CYRIA: variants seen among roughly 807,000 people sequenced by gnomAD.
The protein encoded by CYRIA is CYFIP-related Rac1 interactor A.
In CYRIA, 15 loss-of-function variants were observed where a neutral mutation model predicts 43.9. That is an observed-to-expected ratio of 0.34 (90% confidence interval 0.23 to 0.53). The LOEUF is 0.53. Among genes scored for constraint, CYRIA ranks in the 20% least tolerant of loss-of-function variants. The probability of loss-of-function intolerance (pLI) is 0.94; values close to 1 mark genes in which losing one functional copy is unlikely to be tolerated. For missense variants in CYRIA, 236 were observed against 394.2 expected (o/e 0.60, Z 3.40); for synonymous variants, 117 against 136.0 (o/e 0.86, Z 0.97).
chr2:16,618,191 G>A (rs530286710), intron 2 of CYRIA, among the ~76,000 whole-genome samples: 5 of 152,170 alleles, frequency 3.3e-5, no homozygotes, highest in African/African-American at 7.2e-5. Context: ...GAGTGTGCTC[G>A]AAACTGCCTC....
chr2:16,565,662 C>T lies in CYRIA; in HGVS notation c.176G>A (p.Gly59Asp), dbSNP rs1410052659. Residue 59 changes from glycine (G) to aspartate (D), a missense_variant, in exon 4 of 12, where the codon GGC becomes GAC. Transcript: ENST00000381323. ...TTGACATACATCTCGGATCTCTGGG[C>T]CTGCGCCTTTGTAAGCCTGCAGGTC... Reference protein sequence around the residue: ...LADLQAYKGAGPEIRDAIQNP... With the variant: ...LADLQAYKGADPEIRDAIQNP... 6.3e-7 allele frequency: 1 copy of T among 1,580,230 alleles called. No individual in the cohort carries two copies.
chr2:16,613,839 A>G (rs2103495256), intron 2 of CYRIA, among the ~76,000 whole-genome samples: 1 of 152,392 alleles, frequency 6.6e-6, no homozygotes, highest in Non-Finnish European at 1.5e-5. Context: ...TTAATGTAGT[A>G]ACTCAATTGC....
chr2:16,558,024 G>T (rs1255961865), intron 10 of CYRIA, among the ~76,000 whole-genome samples: 1 of 152,070 alleles, frequency 6.6e-6, no homozygotes, highest in African/African-American at 2.4e-5. Flanking sequence ...AATGAAATAT[G>T]TTTCAAAATA....
intron 3 of CYRIA, among the ~76,000 whole-genome samples, chr2:16,584,507 A>C (rs2103452168): frequency 6.6e-6 from 1 of 152,218 alleles, no homozygotes; most frequent in East Asian, 1.9e-4. Flanking sequence ...AAGCATGCCT[A>C]ATGTTCCCAT....
At chr2:16,663,365 T>C (rs911024583) in intron 1 of CYRIA, among the ~76,000 whole-genome samples, 1 of 152,196 alleles carries the variant, frequency 6.6e-6, no homozygotes, top group African/African-American at 2.4e-5. Context: ...TCTGGTCTTT[T>C]TGTGCTACCA....
intron 1 of CYRIA, among the ~76,000 whole-genome samples, chr2:16,634,073 C>T (rs954391557): frequency 1.1e-4 from 17 of 152,022 alleles, no homozygotes; most frequent in African/African-American, 3.9e-4. Context: ...GAGTCATGGT[C>T]GAGGTGAAAA....
rs6758143 is a variant in CYRIA, at chr2:16,565,579, C to T, written c.192+67G>A. On this transcript the variant is annotated intron_variant, in intron 4 of 11. Coordinates refer to ENST00000381323, the MANE Select transcript of CYRIA (RefSeq NM_030797.4). ...TATTACTTAATCTTGCTGTGTGTGT[C>T]TGTGTGCATGTGTGGTTTTCCTTCC... 3,135 of 1,454,596 alleles carry T rather than the reference C, an allele frequency of 2.2e-3. 39 individuals carry two copies. The African/African-American group carries it at 0.031, about 14-fold the overall frequency. The allele number at this position is 1,454,596 out of a possible 1,614,324, so 90.1% of individuals were successfully genotyped here. A position where few individuals can be genotyped will look rare whatever the true frequency, so the allele number is the denominator to read the frequency against.
At position 16,570,605 on chromosome 2, in the gene CYRIA, T is replaced by C. The variant is rs181306616; in HGVS notation, c.71-4838A>G. ...TTTTCAGATGTCGTGGAAAGACATC[T>C]TGAAAGGAACCCTGAAGAATTAGTG... On this transcript the variant is annotated intron_variant, in intron 3 of 11. Transcript: ENST00000381323. Among the ~76,000 whole-genome samples the C allele has an allele frequency of 8.5e-5, 13 of 152,350 alleles. No homozygotes were observed. In the East Asian group the frequency reaches 2.5e-3, roughly 29 times the overall value.
chr2:16,605,935 G>T (rs974195545), intron 2 of CYRIA, among the ~76,000 whole-genome samples: 1 of 152,066 alleles, frequency 6.6e-6, no homozygotes, highest in Non-Finnish European at 1.5e-5. Context: ...TCACCTCTCT[G>T]GAAGTTCCTC....
chr2:16,612,273 A>G (rs1370095602), intron 2 of CYRIA, among the ~76,000 whole-genome samples: 2 of 152,050 alleles, frequency 1.3e-5, no homozygotes, highest in Non-Finnish European at 2.9e-5. Context: ...ACTACTTAGA[A>G]AGAAAGAGGG....
intron 1 of CYRIA, among the ~76,000 whole-genome samples, chr2:16,664,411 C>T (rs920606832): frequency 6.6e-6 from 1 of 152,150 alleles, no homozygotes; most frequent in African/African-American, 2.4e-5. Flanking sequence ...AAACCAGCTC[C>T]CAGAAGAGTC....
intron 1 of CYRIA, among the ~76,000 whole-genome samples, chr2:16,645,815 C>A (rs1260083300): frequency 5.3e-5 from 8 of 152,154 alleles, no homozygotes; most frequent in African/African-American, 1.9e-4. Flanking sequence ...TACTTTAATA[C>A]ATAGAAAAGT....
intron 1 of CYRIA, among the ~76,000 whole-genome samples, chr2:16,624,786 A>G (rs749873379): frequency 6.6e-6 from 1 of 152,224 alleles, no homozygotes; most frequent in Non-Finnish European, 1.5e-5. Flanking sequence ...TCACTTATTA[A>G]GCAAATATCT....
intron 1 of CYRIA, among the ~76,000 whole-genome samples, chr2:16,661,571 C>T (rs756650023): frequency 6.6e-6 from 1 of 152,202 alleles, no homozygotes; most frequent in Non-Finnish European, 1.5e-5. Context: ...GAAATAACAT[C>T]CCAGCCAACT....
At chr2:16,661,049 A>G (rs972742255) in intron 1 of CYRIA, among the ~76,000 whole-genome samples, 1 of 152,196 alleles carries the variant, frequency 6.6e-6, no homozygotes, top group East Asian at 1.9e-4. Context: ...TTGGGAGGCC[A>G]AAGCGGAAGG....
chr2:16,577,336 T>C (rs572424573), intron 3 of CYRIA, among the ~76,000 whole-genome samples: 2 of 152,278 alleles, frequency 1.3e-5, no homozygotes, highest in East Asian at 1.9e-4. Context: ...TTTAGATATA[T>C]ATCTGTAACA....
At chr2:16,615,784 C>T (rs906375367) in intron 2 of CYRIA, among the ~76,000 whole-genome samples, 3 of 152,218 alleles carry the variant, frequency 2.0e-5, no homozygotes, top group South Asian at 2.1e-4. Context: ...TATTACTGAA[C>T]GTTACTGTAA....
intron 1 of CYRIA, among the ~76,000 whole-genome samples, chr2:16,663,679 G>A (rs1010874133): frequency 1.3e-5 from 2 of 152,024 alleles, no homozygotes; most frequent in Non-Finnish European, 2.9e-5. Flanking sequence ...GTAAAAACAG[G>A]AAGTCACAAG....
chr2:16,565,895 A>G (rs1198326950), intron 3 of CYRIA, 128 bp from the exon 4 acceptor site: 1 of 889,752 alleles, frequency 1.1e-6, no homozygotes, highest in Admixed American at 3.7e-5. Flanking sequence ...TTACTCTTTA[A>G]CCTAATAAGC....
Sources: gnomAD v4.1 joint callset for allele counts (sites outside exome capture counted in the v4.1 genomes callset) on GRCh38, gnomAD v4.1.1 for gene constraint, MANE v1.5 for transcripts, NCBI Gene and HGNC (gene_info 2026-07-23, HGNC 2026-07-21) for gene names.